KCNH1: variants seen among roughly 807,000 people sequenced by gnomAD.
KCNH1 encodes the protein voltage-gated delayed rectifier potassium channel KCNH1.
Under a neutral mutation model 69.2 loss-of-function variants are expected in KCNH1, and 27 were observed. The observed-to-expected ratio is 0.39, with a 90% CI of 0.29 to 0.54. KCNH1 has a LOEUF of 0.54. KCNH1 is among the 20% of genes least tolerant of loss of function. The pLI is 0.68. For missense variants in KCNH1, 798 were observed against 1,261.6 expected (o/e 0.63, Z 5.57); for synonymous variants, 456 against 487.7 (o/e 0.93, Z 0.86).
chr1:210,861,704 A>G (rs546567092), intron 7 of KCNH1: 1 of 774,660 alleles, frequency 1.3e-6, no homozygotes, highest in South Asian at 1.3e-5. Flanking sequence ...ATGACGACAG[A>G]CTGATCAGAC....
At chr1:210,809,886 C>T (rs1439708890) in intron 7 of KCNH1, among the ~76,000 whole-genome samples, 1 of 152,064 alleles carries the variant, frequency 6.6e-6, no homozygotes, top group Non-Finnish European at 1.5e-5. Flanking sequence ...TGGCCAGGAA[C>T]TCAGTTTCCA....
At chr1:210,894,122 C>A (rs1604373) in intron 7 of KCNH1, among the ~76,000 whole-genome samples, 4 of 152,108 alleles carry the variant, frequency 2.6e-5, no homozygotes, top group Non-Finnish European at 4.4e-5. Context: ...CTTAATTGGT[C>A]ATTTTTATTG....
At chr1:210,864,130 G>A (rs987565270) in intron 7 of KCNH1, among the ~76,000 whole-genome samples, 1 of 152,222 alleles carries the variant, frequency 6.6e-6, no homozygotes, top group Non-Finnish European at 1.5e-5. Context: ...GATACCAGCT[G>A]AGCCCAGCTC....
At chr1:210,742,189 T>A (rs1003872521) in intron 10 of KCNH1, among the ~76,000 whole-genome samples, 3 of 152,238 alleles carry the variant, frequency 2.0e-5, no homozygotes, top group Non-Finnish European at 4.4e-5. Context: ...CTAGTCACCA[T>A]GAATTCTGAA....
chr1:211,114,216 C>G (rs1558610606), intron 1 of KCNH1, among the ~76,000 whole-genome samples: 1 of 152,102 alleles, frequency 6.6e-6, no homozygotes, highest in Non-Finnish European at 1.5e-5. Flanking sequence ...ATCCAGGGCT[C>G]TGAGGCTCCA....
intron 1 of KCNH1, among the ~76,000 whole-genome samples, chr1:211,131,858 T>C (rs1317505756): frequency 1.3e-5 from 2 of 152,186 alleles, no homozygotes; most frequent in African/African-American, 2.4e-5. Context: ...ATTTGATTGG[T>C]TAATTGAAAT....
At chr1:210,860,940 CT>C in intron 7 of KCNH1, 1 of 961,734 alleles carries the variant, frequency 1.0e-6, no homozygotes, top group Non-Finnish European at 1.7e-6. Context: ...CATTACAGAT[CT>C]TTTTCTTCAG....
chr1:210,895,514 T>C (rs544516678), intron 7 of KCNH1, among the ~76,000 whole-genome samples: 2 of 152,254 alleles, frequency 1.3e-5, no homozygotes, highest in South Asian at 2.1e-4. Context: ...CATGGAATCC[T>C]CTAATACATT....
chr1:210,980,176 C>T (rs1433582924), intron 6 of KCNH1, among the ~76,000 whole-genome samples: 1 of 152,132 alleles, frequency 6.6e-6, no homozygotes, highest in Non-Finnish European at 1.5e-5. Flanking sequence ...GAAACCATTG[C>T]TAAGTGAGTA....
At chr1:211,103,442 A>G in intron 3 of KCNH1, 54 bp downstream of exon 3, 1 of 1,127,360 alleles carries the variant, frequency 8.9e-7, no homozygotes, top group South Asian at 1.4e-5. Context: ...AAGAGGAGAT[A>G]TTTTACTATT....
intron 6 of KCNH1, among the ~76,000 whole-genome samples, chr1:210,992,654 C>T (rs954189910): frequency 3.9e-5 from 6 of 152,026 alleles, no homozygotes; most frequent in African/African-American, 1.4e-4. Flanking sequence ...GCAAGGTCTC[C>T]TTCTTTCCTG....
At chr1:210,885,527 A>T (rs71638192) in intron 7 of KCNH1, among the ~76,000 whole-genome samples, 1 of 151,980 alleles carries the variant, frequency 6.6e-6, no homozygotes, top group Non-Finnish European at 1.5e-5. Flanking sequence ...TGGCACCTGG[A>T]ACACCAGCGA....
intron 7 of KCNH1, among the ~76,000 whole-genome samples, chr1:210,893,252 T>G (rs1686787444): frequency 6.6e-6 from 1 of 152,176 alleles, no homozygotes; most frequent in East Asian, 1.9e-4. Context: ...TCACTTAAAT[T>G]TTGGTTTTGA....
intron 7 of KCNH1, among the ~76,000 whole-genome samples, chr1:210,914,195 C>A (rs1354050465): frequency 3.3e-5 from 5 of 152,118 alleles, no homozygotes; most frequent in Admixed American, 1.3e-4. Flanking sequence ...AGCACTGAAG[C>A]ACCAAAGACG....
chr1:210,791,806 C>T (rs1684218686), intron 9 of KCNH1, among the ~76,000 whole-genome samples: 1 of 152,050 alleles, frequency 6.6e-6, no homozygotes, highest in Non-Finnish European at 1.5e-5. Context: ...TAAATAGATG[C>T]CGCAGTAATA....
At chr1:210,772,858 C>T (rs1322890694) in intron 10 of KCNH1, among the ~76,000 whole-genome samples, 1 of 152,086 alleles carries the variant, frequency 6.6e-6, no homozygotes, top group African/African-American at 2.4e-5. Context: ...ATAAAAAATC[C>T]TCCACAACAG....
intron 7 of KCNH1, among the ~76,000 whole-genome samples, chr1:210,912,603 CAG>C (rs1377516617): frequency 6.6e-6 from 1 of 152,162 alleles, no homozygotes; most frequent in Non-Finnish European, 1.5e-5. Context: ...AGAGGAAACA[CAG>C]GGGCAGGGAG....
intron 10 of KCNH1, among the ~76,000 whole-genome samples, chr1:210,693,749 G>A (rs1299698228): frequency 6.6e-6 from 1 of 152,116 alleles, no homozygotes; most frequent in Non-Finnish European, 1.5e-5. Context: ...TATACTGGTG[G>A]CCATCTTCTT....
intron 7 of KCNH1, among the ~76,000 whole-genome samples, chr1:210,816,901 T>A (rs1189372178): frequency 2.0e-5 from 3 of 152,222 alleles, no homozygotes; most frequent in Non-Finnish European, 4.4e-5. Flanking sequence ...AAGCCACTAC[T>A]ATCACATTGA....
Sources: allele counts gnomAD v4.1 joint callset (sites outside exome capture counted in the v4.1 genomes callset), GRCh38; gene constraint gnomAD v4.1.1; transcripts MANE v1.5; gene names NCBI Gene and HGNC (gene_info 2026-07-23, HGNC 2026-07-21).